The following UBE2V1 variants were observed in gnomAD, a reference collection of about 807,000 sequenced individuals.
UBE2V1 encodes ubiquitin conjugating enzyme E2 V1, also known as ubiquitin-conjugating enzyme E2 variant 1.
UBE2V1 carries 15 observed loss-of-function variants against 19.6 expected under a neutral mutation model. The observed-to-expected ratio is 0.77, with a 90% CI of 0.51 to 1.18. The LOEUF (loss-of-function observed/expected upper bound fraction) is 1.18, where lower values mean the gene tolerates loss of function less well. Ranked by LOEUF, UBE2V1 falls within the 50% of genes most tolerant of loss-of-function variation. The probability of loss-of-function intolerance (pLI) is 0.00; values close to 1 mark genes in which losing one functional copy is unlikely to be tolerated. For missense variants in UBE2V1, 125 were observed against 184.8 expected (o/e 0.68, Z 1.88); for synonymous variants, 60 against 60.7 (o/e 0.99, Z 0.05).
At chr20:50,096,220 G>A (rs2079612496) in intron 2 of UBE2V1, 1 of 183,564 alleles carries the variant, frequency 5.4e-6, no homozygotes, top group Admixed American at 5.9e-5. Flanking sequence ...AGGCTTGCCA[G>A]GGACCTTTGC....
At chr20:50,089,030 A>G (rs987958535) in intron 2 of UBE2V1, among the ~76,000 whole-genome samples, 8 of 152,190 alleles carry the variant, frequency 5.3e-5, no homozygotes, top group Admixed American at 3.9e-4. Context: ...TATGGCAGTT[A>G]GGGATAAATC....
At position 50,081,438 on chromosome 20, in the gene UBE2V1, T is replaced by C. The variant is rs2078640429; in HGVS notation, c.*1330A>G. On this transcript the variant is annotated 3_prime_UTR_variant, in exon 4 of 4. Coordinates refer to ENST00000371674, the MANE Select transcript of UBE2V1 (RefSeq NM_001032288.3). ...GCATTTAGTGGTCCTGAACAGCAAGTGGAAAGACGCAGCAATTTGCCAGGA... is the reference window on the plus strand; with the variant it reads ...GCATTTAGTGGTCCTGAACAGCAAGCGGAAAGACGCAGCAATTTGCCAGGA... 1 of 152,258 alleles carries C rather than the reference T, an allele frequency of 6.6e-6. No individual in the cohort carries two copies. Among genetic ancestry groups the C allele is most frequent in the Non-Finnish European group, 1.5e-5 (1 of 68,008 alleles). The allele number at this position is 152,258 out of a possible 1,614,324, so 9.4% of individuals were successfully genotyped here.
upstream of UBE2V1, chr20:50,113,184 C>T (rs939526253): frequency 6.4e-6 from 8 of 1,244,510 alleles, no homozygotes; most frequent in African/African-American, 4.7e-5. Context: ...CTTACCCGTC[C>T]CCCGGCCCTG....
At chr20:50,109,218 C>A in intron 1 of UBE2V1, 1 of 831,644 alleles carries the variant, frequency 1.2e-6, no homozygotes, top group Non-Finnish European at 1.4e-6. Flanking sequence ...ATTTACTTTG[C>A]CAAATGTGCT....
chr20:50,093,141 GT>G, intron 2 of UBE2V1, among the ~76,000 whole-genome samples: 2 of 152,374 alleles, frequency 1.3e-5, no homozygotes, highest in South Asian at 2.1e-4. Context: ...AGACAATGAT[GT>G]TGTTTCCAAT....
chr20:50,098,417 G>GA (rs1300728517), intron 1 of UBE2V1, among the ~76,000 whole-genome samples: 1 of 152,152 alleles, frequency 6.6e-6, no homozygotes, highest in Non-Finnish European at 1.5e-5. Flanking sequence ...AGAGTGAAGG[G>GA]AGCAAGGGCA....
intron 2 of UBE2V1, among the ~76,000 whole-genome samples, chr20:50,091,895 G>A (rs1236548195): frequency 6.6e-6 from 1 of 152,162 alleles, no homozygotes; most frequent in African/African-American, 2.4e-5. Context: ...TTCATTCGAT[G>A]GTGAGCATAA....
Position 50,113,117 on chromosome 20 carries a change from G to A in UBE2V1, c.12C>T (p.Thr4=). Residue 4 remains threonine, a synonymous_variant, in exon 1 of 4, where the codon ACC becomes ACT. Transcript: ENST00000371674. MAA[T]TGSGVKVPRN... is the part of the protein sequence containing the mutation. ...GGCGCCCCCGCTCACCCGAGCCCGT[G>A]GTGGCTGCCATCTTGCGTCGCTCTT... 7.3e-7 allele frequency: 1 copy of A among 1,363,996 alleles called. No homozygotes were observed. Among genetic ancestry groups the A allele is most frequent in the Non-Finnish European group, 9.6e-7 (1 of 1,041,142 alleles). 84.5% of individuals were successfully genotyped at this position (1,363,996 alleles called of 1,614,324 possible).
At chr20:50,104,473 C>T (rs1378923520) in intron 1 of UBE2V1, 8 of 412,218 alleles carry the variant, frequency 1.9e-5, no homozygotes, top group Non-Finnish European at 2.3e-5. Context: ...CTGGCTAACA[C>T]GGTGAAACCC....
intron 1 of UBE2V1, among the ~76,000 whole-genome samples, chr20:50,110,473 C>G (rs529869500): frequency 1.3e-5 from 2 of 152,336 alleles, no homozygotes; most frequent in South Asian, 4.1e-4. Flanking sequence ...GAGCCTCACT[C>G]TAAACCTGAC....
At chr20:50,096,273 G>A (rs111492130) in intron 2 of UBE2V1, 24 of 284,636 alleles carry the variant, frequency 8.4e-5, no homozygotes, top group Non-Finnish European at 1.5e-4. Context: ...CGGCAGACCT[G>A]GGAGACAGTG....
At chr20:50,088,679 C>T (rs6012829) in intron 2 of UBE2V1, among the ~76,000 whole-genome samples, 9 of 150,878 alleles carry the variant, frequency 6.0e-5, no homozygotes, top group African/African-American at 1.2e-4. Flanking sequence ...TTGGCTACTT[C>T]GGAGGCTGAG....
In UBE2V1 at chr20:50,081,201, A is replaced by G. The variant is rs1462301497; in HGVS notation, c.*1567T>C. The G allele has an allele frequency of 1.3e-5, 2 of 152,182 alleles. No homozygotes were observed. The highest frequency in any genetic ancestry group is 2.9e-5 in the Non-Finnish European group (2 of 68,030). The allele number at this position is 152,182 out of a possible 1,614,324, so 9.4% of individuals were successfully genotyped here. A position where few individuals can be genotyped will look rare whatever the true frequency, so the allele number is the denominator to read the frequency against. ...TGACAATAAAAAGGCTGCTTATGGA[A>G]TACTGTTATGTTAAACTTCACTTAC... On this transcript the variant is annotated 3_prime_UTR_variant, in exon 4 of 4. Transcript: ENST00000371674.
chr20:50,108,540 G>A (rs921370801), intron 1 of UBE2V1, among the ~76,000 whole-genome samples: 2 of 152,158 alleles, frequency 1.3e-5, no homozygotes, highest in Admixed American at 1.3e-4. Context: ...CTGCACCTCA[G>A]GCTAGTCACT....
intron 2 of UBE2V1, among the ~76,000 whole-genome samples, chr20:50,093,407 A>C (rs2079359416): frequency 6.6e-6 from 1 of 152,256 alleles, no homozygotes; most frequent in South Asian, 2.1e-4. Flanking sequence ...CAAATAGCTC[A>C]TGTGCTAATC....
At chr20:50,115,908 G>C (rs1477334583), upstream of UBE2V1, 1 of 206,314 alleles carries the variant, frequency 4.8e-6, no homozygotes, top group Non-Finnish European at 9.6e-6. Flanking sequence ...AAGTAAAATT[G>C]ACAATAATAA....
intron 1 of UBE2V1, among the ~76,000 whole-genome samples, chr20:50,103,032 T>TCTTCATAGTA (rs1298838423): frequency 1.3e-5 from 2 of 152,222 alleles, no homozygotes; most frequent in Non-Finnish European, 2.9e-5. Flanking sequence ...GCCTTATTTT[T>TCTTCATAGTA]CTTCATAGTA....
At chr20:50,085,765 CTG>C (rs1341986353) in intron 2 of UBE2V1, among the ~76,000 whole-genome samples, 3 of 152,186 alleles carry the variant, frequency 2.0e-5, no homozygotes, top group Non-Finnish European at 4.4e-5. Flanking sequence ...CAAACCAAAA[CTG>C]TGAATTTCTA....
At chr20:50,113,238 C>T (rs1332892444), upstream of UBE2V1, 3 of 874,674 alleles carry the variant, frequency 3.4e-6, no homozygotes, top group Non-Finnish European at 4.6e-6. Flanking sequence ...CGCTGACGCC[C>T]GCCCCGGAGA....
Sources: gnomAD v4.1 joint callset for allele counts (sites outside exome capture counted in the v4.1 genomes callset) on GRCh38, gnomAD v4.1.1 for gene constraint, MANE v1.5 for transcripts, NCBI Gene and HGNC (gene_info 2026-07-23, HGNC 2026-07-21) for gene names.